Variants in PDGFA observed in about 807,000 individuals in gnomAD.
The protein encoded by PDGFA is platelet-derived growth factor subunit A.
Under a neutral mutation model 25.6 loss-of-function variants are expected in PDGFA, and 9 were observed. The observed-to-expected ratio is 0.35, with a 90% CI of 0.21 to 0.61. PDGFA has a LOEUF of 0.61. PDGFA is among the 20% of genes least tolerant of loss of function. PDGFA has a pLI of 0.75. For synonymous variants in PDGFA, 133 were observed against 111.8 expected (o/e 1.19, Z -1.20); for missense variants, 242 against 272.8 (o/e 0.89, Z 0.79).
chr7:498,587 G>A lies in PDGFA; in HGVS notation c.581-13C>T, dbSNP rs1322876395. 1 of 1,609,862 alleles carries A rather than the reference G, an allele frequency of 6.2e-7. No individual in the cohort carries two copies. Among genetic ancestry groups the A allele is most frequent in the Admixed American group, 1.7e-5 (1 of 59,608 alleles). On this transcript the variant is annotated splice_polypyrimidine_tract_variant and intron_variant, in intron 5 of 5. Coordinates refer to ENST00000402802, the Ensembl canonical transcript of PDGFA. The stretch of plus-strand genomic sequence containing the variant: ...CCTCACCTCACATCTGCAGGGAGAA[G>A]GGAAAGACAGACACTGAGACCACCG...
At chr7:518,113 C>A (rs1168330695) in intron 1 of PDGFA, among the ~76,000 whole-genome samples, 1 of 152,164 alleles carries the variant, frequency 6.6e-6, no homozygotes, top group East Asian at 1.9e-4. Flanking sequence ...CCAAATCCAG[C>A]CGGCGGCCGG....
At chr7:505,402 G>A (rs1177338467) in intron 4 of PDGFA, among the ~76,000 whole-genome samples, 2 of 152,192 alleles carry the variant, frequency 1.3e-5, no homozygotes, top group Non-Finnish European at 2.9e-5. Context: ...ACTCACCCAA[G>A]ACTACAACCC....
chr7:506,445 G>C (rs1005946966), intron 4 of PDGFA, among the ~76,000 whole-genome samples: 2 of 151,978 alleles, frequency 1.3e-5, no homozygotes, highest in Non-Finnish European at 2.9e-5. Context: ...CCAGACCCCA[G>C]AGAGTGGACA....
At chr7:514,055 A>G (rs1178954994) in intron 2 of PDGFA, among the ~76,000 whole-genome samples, 2 of 152,234 alleles carry the variant, frequency 1.3e-5, no homozygotes, top group South Asian at 4.1e-4. Flanking sequence ...CCAAAGAGTA[A>G]CGGGTCCGTT....
chr7:499,731 C>CCCCCCCCCCCCCA (rs1192848580), intron 5 of PDGFA, among the ~76,000 whole-genome samples: 1 of 94,550 alleles, frequency 1.1e-5, no homozygotes, highest in African/African-American at 4.2e-5. Flanking sequence ...CCCCCCCCCC[C>CCCCCCCCCCCCCA]CCGCTCACTC....
intron 2 of PDGFA, among the ~76,000 whole-genome samples, chr7:514,056 C>T (rs971600737): frequency 2.6e-5 from 4 of 152,190 alleles, no homozygotes; most frequent in African/African-American, 7.2e-5. Flanking sequence ...CAAAGAGTAA[C>T]GGGTCCGTTC....
chr7:517,450 CG>C lies in PDGFA; in HGVS notation c.103del (p.Arg35AlafsTer16). 1 of 1,382,620 alleles carries C rather than the reference CG, an allele frequency of 7.2e-7. No homozygotes were observed. The highest frequency in any genetic ancestry group is 9.5e-7 in the Non-Finnish European group (1 of 1,053,276). The allele number at this position is 1,382,620 out of a possible 1,614,324, so 85.6% of individuals were successfully genotyped here. On this transcript the variant is annotated frameshift_variant, in exon 2 of 6. Coordinates refer to ENST00000402802, the Ensembl canonical transcript of PDGFA. LOFTEE classifies it high-confidence loss of function. This position sits in a 1 kb window ranked among gnomAD's most constrained non-coding sequence, Gnocchi z 7.4. ...GTCCCGGATGCTGTGGATCTGACTG[CG>C]GGCCAGCCTCTCGATCACCTCGCGG...
rs561921546 is a variant in PDGFA at position 512,687 on chromosome 7, G to A, written c.161-232C>T. The A allele has an allele frequency of 2.0e-4, 288 of 1,457,376 alleles. 2 individuals are homozygous for A. In the African/African-American group the frequency reaches 2.3e-3, roughly 11 times the overall value. 90.3% of individuals were successfully genotyped at this position (1,457,376 alleles called of 1,614,324 possible). ...CACTGGAAACCGCAGAAAACGCCCC[G>A]TTAGCACAGAGGTCCCCACATTCAG... On this transcript the variant is annotated intron_variant, in intron 2 of 5. Coordinates refer to ENST00000402802, the Ensembl canonical transcript of PDGFA.
chr7:508,627 G>A (rs1168295367), intron 4 of PDGFA, among the ~76,000 whole-genome samples: 2 of 136,858 alleles, frequency 1.5e-5, no homozygotes, highest in Non-Finnish European at 3.1e-5. Flanking sequence ...CTGAGTCAAA[G>A]CAACAGCCTC....
chr7:502,021 T>TG (rs1156720265), intron 4 of PDGFA, among the ~76,000 whole-genome samples: 4 of 152,228 alleles, frequency 2.6e-5, no homozygotes, highest in Admixed American at 2.6e-4. Context: ...CTCCAGGGGT[T>TG]CAAGACCAGC....
At chr7:512,583 C>T (rs2128402411) in intron 2 of PDGFA, 128 bp from the exon 3 acceptor site, 1 of 1,549,290 alleles carries the variant, frequency 6.5e-7, no homozygotes, top group South Asian at 1.2e-5. Context: ...GGCACAGCCC[C>T]TCACAGCTCC....
At chr7:501,571 T>C (rs368462980) in intron 4 of PDGFA, among the ~76,000 whole-genome samples, 8 of 152,258 alleles carry the variant, frequency 5.3e-5, no homozygotes, top group African/African-American at 1.9e-4. Flanking sequence ...CAGGCCACCA[T>C]GCCCAGCTAA....
At chr7:518,296 G>C (rs1010075378) in intron 1 of PDGFA, 1 of 143,390 alleles carries the variant, frequency 7.0e-6, no homozygotes, top group African/African-American at 2.5e-5. Flanking sequence ...GGGGGCTGTG[G>C]AAAGTCATTC....
rs537612531 is a variant in PDGFA at position 507,899 on chromosome 7, G to A, written c.453+2910C>T. On this transcript the variant is annotated intron_variant, in intron 4 of 5. Coordinates refer to ENST00000402802, the Ensembl canonical transcript of PDGFA. The stretch of plus-strand genomic sequence containing the variant: ...TCCCCTCCTTCCCTGACCCCCCGGC[G>A]GTAAATATCCTGAGGACAGAAGAGT... 2.6e-4 allele frequency among the ~76,000 whole-genome samples: 40 copies of A among 152,220 alleles called. 1 individual carries two copies. The highest frequency in any genetic ancestry group is 1.7e-3 in the South Asian group (8 of 4,824).
exon 6 of PDGFA, chr7:498,546 A>C (rs1782195460): frequency 3.1e-6 from 5 of 1,608,124 alleles, no homozygotes; most frequent in Non-Finnish European, 4.2e-6. Context: ...TGTCCCAGGA[A>C]AGGGCTGCGG....
upstream of PDGFA, chr7:520,279 G>T (rs896036447): frequency 1.3e-4 from 24 of 189,884 alleles, no homozygotes; most frequent in East Asian, 3.8e-4. Flanking sequence ...CCCCGCCCCC[G>T]CCCCGGCGCT....
chr7:500,583 T>C lies in PDGFA; in HGVS notation c.580+533A>G. 1 of 1,603,532 alleles carries C rather than the reference T, an allele frequency of 6.2e-7. No homozygotes were observed. Among genetic ancestry groups the C allele is most frequent in the Non-Finnish European group, 8.5e-7 (1 of 1,176,276 alleles). ...CTGAAGCAACAAATACCTACGGCAT[T>C]TGTTTATCTTTCCAGAAGAGAAGGC... On this transcript the variant is annotated intron_variant, in intron 5 of 5. Transcript: ENST00000402802. The surrounding 1 kb of genome is among the most constrained non-coding windows in gnomAD (Gnocchi z 5.0).
At chr7:519,264 T>A (rs1388753498) in exon 1 of PDGFA, 1 of 36,842 alleles carries the variant, frequency 2.7e-5, no homozygotes, top group Non-Finnish European at 5.5e-5. Flanking sequence ...GGGTAGGGGG[T>A]GGGGACGGAA....
Position 517,472 on chromosome 7 carries a change from C to G in PDGFA, c.82G>C (p.Glu28Gln). The G allele has an allele frequency of 7.4e-7, 1 of 1,347,526 alleles. No homozygotes were observed. The highest frequency in any genetic ancestry group is 2.8e-5 in the Admixed American group (1 of 35,922). 83.5% of individuals were successfully genotyped at this position (1,347,526 alleles called of 1,614,324 possible). A position where few individuals can be genotyped will look rare whatever the true frequency, so the allele number is the denominator to read the frequency against. ...CTGCGGGCCAGCCTCTCGATCACCT[C>G]GCGGGGGATCTCGGCTTCCTGCAAG... The change falls in exon 2 of 6, where the codon GAG (glutamate) becomes CAG (glutamine). Residue 28 changes from glutamate to glutamine, a missense_variant. Transcript: ENST00000402802. This position sits in a 1 kb window ranked among gnomAD's most constrained non-coding sequence, Gnocchi z 7.4.
Sources: allele counts gnomAD v4.1 joint callset (sites outside exome capture counted in the v4.1 genomes callset), GRCh38; gene constraint gnomAD v4.1.1; non-coding constraint Gnocchi (gnomAD v3.1); transcripts MANE v1.5; gene names NCBI Gene and HGNC (gene_info 2026-07-23, HGNC 2026-07-21).